The following WWOX variants were observed in gnomAD, a reference collection of about 807,000 sequenced individuals.
The protein encoded by WWOX is WW domain containing oxidoreductase.
Under a neutral mutation model 46.2 loss-of-function variants are expected in WWOX, and 69 were observed. The ratio of observed to expected loss-of-function variants is 1.49; its 90% confidence interval spans 1.23 to 1.82. WWOX has a LOEUF of 1.82. Ranked by LOEUF, WWOX falls within the 40% of genes most tolerant of loss-of-function variation. The probability of loss-of-function intolerance (pLI) is 0.00; values close to 1 mark genes in which losing one functional copy is unlikely to be tolerated. For missense variants in WWOX, 919 were observed against 542.6 expected, an observed-to-expected ratio of 1.69 and a Z score of -6.89; for synonymous variants, 359 against 202.6, an observed-to-expected ratio of 1.77 and a Z score of -6.56.
intron 8 of WWOX, among the ~76,000 whole-genome samples, chr16:78,865,921 C>G (rs1462442144): frequency 6.6e-6 from 1 of 152,150 alleles, no homozygotes; most frequent in East Asian, 1.9e-4. Flanking sequence ...GATAGTTACT[C>G]AACAAATCAT....
intron 8 of WWOX, among the ~76,000 whole-genome samples, chr16:78,618,747 C>G (rs1011224943): frequency 1.3e-5 from 2 of 151,824 alleles, no homozygotes; most frequent in Admixed American, 6.6e-5. Flanking sequence ...AGAGAATTCC[C>G]CACTGTCTTC....
At chr16:79,180,940 T>C (rs2050899213) in intron 8 of WWOX, among the ~76,000 whole-genome samples, 1 of 152,242 alleles carries the variant, frequency 6.6e-6, no homozygotes, top group Non-Finnish European at 1.5e-5. Context: ...TTTTTCCCTA[T>C]TCCAGGCACA....
At chr16:78,956,826 T>C (rs550909983) in intron 8 of WWOX, among the ~76,000 whole-genome samples, 2 of 152,322 alleles carry the variant, frequency 1.3e-5, no homozygotes, top group African/African-American at 4.8e-5. Context: ...GAAGGCATGC[T>C]GTGCCCACTT....
rs770083632 is a variant in WWOX at position 79,211,925 on chromosome 16, C to A, written c.*129C>A. The A allele has an allele frequency of 3.9e-6, 6 of 1,539,674 alleles. No homozygotes were observed. The African/African-American group carries it at 6.8e-5, about 18-fold the overall frequency. ...CAAGAGTAAAGGAAATAAGAGCAGTCACAACAGAGTGAAAAATCTTAAGTA... is the reference window on the plus strand; with the variant it reads ...CAAGAGTAAAGGAAATAAGAGCAGTAACAACAGAGTGAAAAATCTTAAGTA... On this transcript the variant is annotated 3_prime_UTR_variant, in exon 9 of 9. Coordinates refer to ENST00000566780, the MANE Select transcript of WWOX (RefSeq NM_016373.4).
At chr16:78,158,670 CT>C (rs1372587664) in intron 4 of WWOX, among the ~76,000 whole-genome samples, 1 of 152,020 alleles carries the variant, frequency 6.6e-6, no homozygotes, top group Non-Finnish European at 1.5e-5. Flanking sequence ...TTAAGATCTT[CT>C]TTGGGTTCAT....
intron 8 of WWOX, among the ~76,000 whole-genome samples, chr16:78,450,360 G>T (rs1287472330): frequency 6.6e-6 from 1 of 152,138 alleles, no homozygotes; most frequent in African/African-American, 2.4e-5. Context: ...TATGGTGTTT[G>T]TTCAGCTGGA....
chr16:79,091,783 T>C (rs535428374), intron 8 of WWOX, among the ~76,000 whole-genome samples: 1 of 141,604 alleles, frequency 7.1e-6, no homozygotes, highest in African/African-American at 2.6e-5. Context: ...TTCTTTGTTT[T>C]TTTTTTTTTT....
chr16:78,752,637 A>G (rs913850078), intron 8 of WWOX, among the ~76,000 whole-genome samples: 1 of 152,216 alleles, frequency 6.6e-6, no homozygotes, highest in Admixed American at 6.5e-5. Context: ...CTTTCAAATC[A>G]TGATAAAATT....
intron 8 of WWOX, among the ~76,000 whole-genome samples, chr16:78,865,151 G>C (rs543151954): frequency 6.6e-6 from 1 of 151,948 alleles, no homozygotes; most frequent in Non-Finnish European, 1.5e-5. Flanking sequence ...AATAAATTCC[G>C]TACATTTTAA....
At chr16:79,174,539 C>T (rs1289498252) in intron 8 of WWOX, among the ~76,000 whole-genome samples, 2 of 152,208 alleles carry the variant, frequency 1.3e-5, no homozygotes, top group Non-Finnish European at 2.9e-5. Context: ...ATCCCAGCTA[C>T]TCTGGGCCTG....
intron 8 of WWOX, among the ~76,000 whole-genome samples, chr16:78,436,519 T>C (rs1567572932): frequency 6.6e-6 from 1 of 152,348 alleles, no homozygotes; most frequent in African/African-American, 2.4e-5. Flanking sequence ...AAATCCTCTC[T>C]AGTGTATTTA....
intron 5 of WWOX, among the ~76,000 whole-genome samples, chr16:78,171,161 A>G (rs1462507547): frequency 1.3e-5 from 2 of 152,172 alleles, no homozygotes; most frequent in African/African-American, 4.8e-5. Context: ...TTTCATAGAT[A>G]CTGACACCTG....
At chr16:78,825,994 C>T (rs562460142) in intron 8 of WWOX, 3 of 694,518 alleles carry the variant, frequency 4.3e-6, no homozygotes, top group Admixed American at 2.5e-5. Flanking sequence ...CCCAGCCAGT[C>T]CCCATAGCAT....
At chr16:79,019,736 G>A (rs577557723) in intron 8 of WWOX, among the ~76,000 whole-genome samples, 2 of 152,140 alleles carry the variant, frequency 1.3e-5, no homozygotes, top group East Asian at 1.9e-4. Context: ...CTGGGTCTTG[G>A]TTAGTGGTCC....
At chr16:78,807,967 G>A (rs983744042) in intron 8 of WWOX, among the ~76,000 whole-genome samples, 7 of 152,196 alleles carry the variant, frequency 4.6e-5, no homozygotes, top group African/African-American at 1.4e-4. Flanking sequence ...AACTGCTTTG[G>A]AGACTGGTTC....
chr16:78,491,561 C>T (rs1274666060), intron 8 of WWOX, among the ~76,000 whole-genome samples: 2 of 152,148 alleles, frequency 1.3e-5, no homozygotes, highest in Non-Finnish European at 2.9e-5. Context: ...CTCCCAGGTT[C>T]AAGTGATCCT....
At chr16:78,532,734 C>T (rs554290106) in intron 8 of WWOX, among the ~76,000 whole-genome samples, 2 of 151,584 alleles carry the variant, frequency 1.3e-5, no homozygotes, top group Non-Finnish European at 2.9e-5. Context: ...GGAAACTCTC[C>T]CTTATGATAC....
At chr16:78,607,416 G>A (rs1283059731) in intron 8 of WWOX, among the ~76,000 whole-genome samples, 1 of 152,070 alleles carries the variant, frequency 6.6e-6, no homozygotes, top group Non-Finnish European at 1.5e-5. Context: ...GCTTATCTTT[G>A]CATATATTTG....
intron 8 of WWOX, among the ~76,000 whole-genome samples, chr16:79,047,214 G>A (rs2656667): frequency 0.4 from 60,138 of 152,046 alleles, 14,865 homozygotes; most frequent in African/African-American, 0.71. Flanking sequence ...GGGAGGGAAA[G>A]AGACACAAAT....
Sources: gnomAD v4.1 joint callset for allele counts (sites outside exome capture counted in the v4.1 genomes callset) on GRCh38, gnomAD v4.1.1 for gene constraint, MANE v1.5 for transcripts, NCBI Gene and HGNC (gene_info 2026-07-23, HGNC 2026-07-21) for gene names.